The following RNF187 variants were observed in gnomAD, a reference collection of about 807,000 sequenced individuals.
RNF187 encodes ring finger protein 187.
In RNF187, 18 loss-of-function variants were observed where a neutral mutation model predicts 22.2. The observed-to-expected ratio is 0.81, with a 90% CI of 0.56 to 1.20. The LOEUF (loss-of-function observed/expected upper bound fraction) is 1.20, where lower values mean the gene tolerates loss of function less well. Ranked by LOEUF, RNF187 falls within the 50% of genes most tolerant of loss-of-function variation. The pLI is 0.00. For missense variants in RNF187, 329 were observed against 317.6 expected (o/e 1.04, Z -0.27); for synonymous variants, 164 against 140.9 (o/e 1.16, Z -1.16).
In RNF187 at chr1:228,493,343, G is replaced by A; in HGVS notation, c.705+69G>A. On this transcript the variant is annotated intron_variant, in intron 3 of 3. Coordinates refer to ENST00000305943, the MANE Select transcript of RNF187 (RefSeq NM_001010858.3). The surrounding 1 kb of genome is among the most constrained non-coding windows in gnomAD (Gnocchi z 4.7). ...GACGCAGGCAGCAGCGAGCCATTGGGGGACCATTGCCCGAAGTCAAGGCTT... is the reference window on the plus strand; with the variant it reads ...GACGCAGGCAGCAGCGAGCCATTGGAGGACCATTGCCCGAAGTCAAGGCTT... 1.3e-6 allele frequency: 2 copies of A among 1,499,414 alleles called. No homozygotes were observed. The highest frequency in any genetic ancestry group is 1.8e-6 in the Non-Finnish European group (2 of 1,118,660). 92.9% of individuals were successfully genotyped at this position (1,499,414 alleles called of 1,614,324 possible).
Position 228,487,758 on chromosome 1 carries a change from G to A in RNF187, c.270G>A (p.Glu90=). The A allele has an allele frequency of 9.5e-7, 1 of 1,047,186 alleles. No homozygotes were observed. Among genetic ancestry groups the A allele is most frequent in the Non-Finnish European group, 1.1e-6 (1 of 871,590 alleles). 64.9% of individuals were successfully genotyped at this position (1,047,186 alleles called of 1,614,324 possible). A position where few individuals can be genotyped will look rare whatever the true frequency, so the allele number is the denominator to read the frequency against. Residue 90 remains glutamate, a synonymous_variant, in exon 1 of 4, where the codon GAG becomes GAA. Coordinates refer to ENST00000305943, the MANE Select transcript of RNF187 (RefSeq NM_001010858.3). ...CCGCGCGCGACGGCCCGGCCAGCGA[G>A]GCCGCGCTGCAGCTGCTGTGCCGCG...
Position 228,495,875 on chromosome 1 carries a change from C to T in RNF187, c.*1990C>T. On this transcript the variant is annotated 3_prime_UTR_variant, in exon 4 of 4. Coordinates refer to ENST00000305943, the MANE Select transcript of RNF187 (RefSeq NM_001010858.3). ...AATCTACACTCAGCAATTTCAAATA[C>T]AGTCATCCCTCTGTGCCTAAGGGGG... The T allele has an allele frequency of 9.8e-5, 54 of 550,766 alleles. 1 individual carries two copies. In the South Asian group the frequency reaches 3.4e-3, roughly 35 times the overall value. The allele number at this position is 550,766 out of a possible 1,614,324, so 34.1% of individuals were successfully genotyped here. A position where few individuals can be genotyped will look rare whatever the true frequency, so the allele number is the denominator to read the frequency against.
In RNF187 at chr1:228,487,647, C is replaced by G. The variant is rs1260042017; in HGVS notation, c.159C>G (p.Ala53=). Residue 53 remains alanine (A), a synonymous_variant, in exon 1 of 4, where the codon GCC becomes GCG. Coordinates refer to ENST00000305943, the MANE Select transcript of RNF187 (RefSeq NM_001010858.3). ...GGCCCTTCCCGTGCCCCGAGTGCGC[C>G]GACGACTGCTGGCAGCGCGCCGTGG... 9.3e-6 allele frequency: 11 copies of G among 1,176,684 alleles called. No homozygotes were observed. The highest frequency in any genetic ancestry group is 3.6e-5 in the Admixed American group (1 of 27,520). The allele number at this position is 1,176,684 out of a possible 1,614,324, so 72.9% of individuals were successfully genotyped here. A position where few individuals can be genotyped will look rare whatever the true frequency, so the allele number is the denominator to read the frequency against.
chr1:228,493,585 C>G lies in RNF187; in HGVS notation c.706-298C>G. ...CTGAAGGCAGAAGCAGCCAAGAAAC[C>G]CAACCTCAGGGCTTTTCTTCTGCCT... On this transcript the variant is annotated intron_variant, in intron 3 of 3. Transcript: ENST00000305943. The surrounding 1 kb of genome is among the most constrained non-coding windows in gnomAD (Gnocchi z 4.7). Among the ~76,000 whole-genome samples, 1 of 152,236 alleles carries G rather than the reference C, an allele frequency of 6.6e-6. No individual in the cohort carries two copies. The highest frequency in any genetic ancestry group is 1.9e-4 in the East Asian group (1 of 5,194).
At position 228,494,339 on chromosome 1, in the gene RNF187, T is replaced by C; in HGVS notation, c.*454T>C. The C allele has an allele frequency of 2.9e-6, 3 of 1,046,356 alleles. No individual in the cohort carries two copies. In the African/African-American group the frequency reaches 5.0e-5, roughly 17 times the overall value. 64.8% of individuals were successfully genotyped at this position (1,046,356 alleles called of 1,614,324 possible). A position where few individuals can be genotyped will look rare whatever the true frequency, so the allele number is the denominator to read the frequency against. On this transcript the variant is annotated 3_prime_UTR_variant, in exon 4 of 4. Transcript: ENST00000305943. ...CCAGAAAGAAGAATGCGCATGACGC[T>C]CTGTGAAGGCTGGAACTCAGGTCTT...
At position 228,495,106 on chromosome 1, in the gene RNF187, G is replaced by A; in HGVS notation, c.*1221G>A. 2.2e-6 allele frequency: 2 copies of A among 891,088 alleles called. No homozygotes were observed. Among genetic ancestry groups the A allele is most frequent in the Non-Finnish European group, 1.3e-6 (1 of 743,818 alleles). 55.2% of individuals were successfully genotyped at this position (891,088 alleles called of 1,614,324 possible). ...ACTTTGATTGGGACCATTGAGATGG[G>A]TGTGGGACCCTTTCCTTGGGGCCTG... On this transcript the variant is annotated 3_prime_UTR_variant, in exon 4 of 4. Coordinates refer to ENST00000305943, the MANE Select transcript of RNF187 (RefSeq NM_001010858.3).
intron 2 of RNF187, among the ~76,000 whole-genome samples, chr1:228,489,287 C>A: frequency 6.6e-5 from 10 of 152,234 alleles, no homozygotes; most frequent in African/African-American, 2.4e-4. Context: ...CACATTTTAC[C>A]TGTAGGTGAT....
intron 2 of RNF187, among the ~76,000 whole-genome samples, chr1:228,490,493 T>C: frequency 1.3e-5 from 2 of 152,232 alleles, no homozygotes; most frequent in African/African-American, 4.8e-5. Flanking sequence ...TTTTAGCAGG[T>C]TGGAGCTTTC....
chr1:228,487,792 G>A lies in RNF187; in HGVS notation c.304G>A (p.Gly102Ser). 7 of 1,119,588 alleles carry A rather than the reference G, an allele frequency of 6.3e-6. No individual in the cohort carries two copies. The highest frequency in any genetic ancestry group is 7.6e-6 in the Non-Finnish European group (7 of 916,064). The allele number at this position is 1,119,588 out of a possible 1,614,324, so 69.4% of individuals were successfully genotyped here. Reference sequence around the variant, plus strand: ...GCAGCTGCTGTGCCGCGCCGACGCCGGCCCGCTCTGCGCCGCCTGCCGTAT... The same window carrying A: ...GCAGCTGCTGTGCCGCGCCGACGCCAGCCCGCTCTGCGCCGCCTGCCGTAT... The change falls in exon 1 of 4, where the codon GGC (glycine) becomes AGC (serine). Residue 102 changes from glycine to serine, a missense_variant. Gly to Ser is a moderately conservative substitution (Grantham distance 56). Coordinates refer to ENST00000305943, the MANE Select transcript of RNF187 (RefSeq NM_001010858.3).
At chr1:228,488,642 G>A in intron 1 of RNF187, among the ~76,000 whole-genome samples, 1 of 152,258 alleles carries the variant, frequency 6.6e-6, no homozygotes, top group South Asian at 2.1e-4. Context: ...GCTCAGGCAG[G>A]GCAGGGTGTA....
chr1:228,489,205 A>G lies in RNF187; in HGVS notation c.483+153A>G. On this transcript the variant is annotated intron_variant, in intron 2 of 3. Coordinates refer to ENST00000305943, the MANE Select transcript of RNF187 (RefSeq NM_001010858.3). ...TCTGGACTTAAGTGAGCTTCAGGGTATTTTTTTTAGGATGTGTTTGTATTT... is the reference window on the plus strand; with the variant it reads ...TCTGGACTTAAGTGAGCTTCAGGGTGTTTTTTTTAGGATGTGTTTGTATTT... The G allele has an allele frequency of 1.5e-5, 9 of 597,314 alleles. No homozygotes were observed. The East Asian group carries it at 2.6e-4, about 17-fold the overall frequency. 37.0% of individuals were successfully genotyped at this position (597,314 alleles called of 1,614,324 possible). A position where few individuals can be genotyped will look rare whatever the true frequency, so the allele number is the denominator to read the frequency against.
intron 2 of RNF187, among the ~76,000 whole-genome samples, chr1:228,490,680 G>A: frequency 6.6e-6 from 1 of 152,240 alleles, no homozygotes; most frequent in African/African-American, 2.4e-5. Context: ...CACCTGCCCT[G>A]TGTGGCCCAG....
At position 228,487,761 on chromosome 1, in the gene RNF187, C is replaced by A. The variant is rs1425218926; in HGVS notation, c.273C>A (p.Ala91=). Residue 91 remains alanine, a synonymous_variant, in exon 1 of 4, where the codon GCC becomes GCA. Coordinates refer to ENST00000305943, the MANE Select transcript of RNF187 (RefSeq NM_001010858.3). ...CGCGCGACGGCCCGGCCAGCGAGGC[C>A]GCGCTGCAGCTGCTGTGCCGCGCCG... The A allele has an allele frequency of 2.9e-5, 30 of 1,050,596 alleles. No homozygotes were observed. Among genetic ancestry groups the A allele is most frequent in the Non-Finnish European group, 3.4e-5 (30 of 873,780 alleles). The allele number at this position is 1,050,596 out of a possible 1,614,324, so 65.1% of individuals were successfully genotyped here. A position where few individuals can be genotyped will look rare whatever the true frequency, so the allele number is the denominator to read the frequency against.
At chr1:228,492,932 A>G in intron 2 of RNF187, 121 bp from the exon 3 acceptor site, 1 of 1,095,478 alleles carries the variant, frequency 9.1e-7, no homozygotes, top group East Asian at 2.6e-5. Context: ...CTAATAGTCG[A>G]TGTGCCTGAG....
In RNF187 at chr1:228,493,224, TC is replaced by T. The variant is rs1202755902; in HGVS notation, c.656del (p.Ser219TrpfsTer109). On this transcript the variant is annotated frameshift_variant, in exon 3 of 4. Transcript: ENST00000305943. LOFTEE classifies it high-confidence loss of function. This position sits in a 1 kb window ranked among gnomAD's most constrained non-coding sequence, Gnocchi z 4.7. ...GTTCAGGTCACTGCTGCAGGCGGTCTCGGAGCTGGAGAAGAAGCATCGCAAC... is the reference window on the plus strand; with the variant it reads ...GTTCAGGTCACTGCTGCAGGCGGTCTGGAGCTGGAGAAGAAGCATCGCAAC... The T allele has an allele frequency of 1.9e-6, 3 of 1,551,366 alleles. No homozygotes were observed. Among genetic ancestry groups the T allele is most frequent in the Non-Finnish European group, 2.6e-6 (3 of 1,146,974 alleles).
chr1:228,487,713 C>G lies in RNF187; in HGVS notation c.225C>G (p.Leu75=), dbSNP rs1176101047. 2 of 1,046,354 alleles carry G rather than the reference C, an allele frequency of 1.9e-6. No homozygotes were observed. The highest frequency in any genetic ancestry group is 4.4e-5 in the South Asian group (1 of 22,800). 64.8% of individuals were successfully genotyped at this position (1,046,354 alleles called of 1,614,324 possible). A position where few individuals can be genotyped will look rare whatever the true frequency, so the allele number is the denominator to read the frequency against. Reference sequence around the variant, plus strand: ...CGCTCAGCCGCCGCCTTCTGGCGCTCGAGGAGGCGGCCGCGGCGCCCGCGC... The same window carrying G: ...CGCTCAGCCGCCGCCTTCTGGCGCTGGAGGAGGCGGCCGCGGCGCCCGCGC... The change falls in exon 1 of 4, where the codon CTC becomes CTG. Residue 75 remains leucine, a synonymous_variant. Transcript: ENST00000305943.
Position 228,494,854 on chromosome 1 carries a change from T to C in RNF187, c.*969T>C. 1 of 985,460 alleles carries C rather than the reference T, an allele frequency of 1.0e-6. No homozygotes were observed. The highest frequency in any genetic ancestry group is 1.2e-6 in the Non-Finnish European group (1 of 829,982). 61.0% of individuals were successfully genotyped at this position (985,460 alleles called of 1,614,324 possible). Reference sequence around the variant, plus strand: ...TAGCCGGGCTTGTGAGCGGTGCCCATTTCCAGATGAAGCCTTTCAGCCCTT... The same window carrying C: ...TAGCCGGGCTTGTGAGCGGTGCCCACTTCCAGATGAAGCCTTTCAGCCCTT... On this transcript the variant is annotated 3_prime_UTR_variant, in exon 4 of 4. Coordinates refer to ENST00000305943, the MANE Select transcript of RNF187 (RefSeq NM_001010858.3).
At position 228,493,767 on chromosome 1, in the gene RNF187, C is replaced by A; in HGVS notation, c.706-116C>A. ...GTTTGTTGTGCTCAGGACAGTACCTCATGCGCTGTCTCATGTGCGCTCTCT... is the reference window on the plus strand; with the variant it reads ...GTTTGTTGTGCTCAGGACAGTACCTAATGCGCTGTCTCATGTGCGCTCTCT... On this transcript the variant is annotated intron_variant, in intron 3 of 3. Transcript: ENST00000305943. The surrounding 1 kb of genome is among the most constrained non-coding windows in gnomAD (Gnocchi z 4.7). The A allele has an allele frequency of 1.8e-6, 2 of 1,116,374 alleles. No individual in the cohort carries two copies. Among genetic ancestry groups the A allele is most frequent in the Non-Finnish European group, 2.7e-6 (2 of 753,380 alleles). 69.2% of individuals were successfully genotyped at this position (1,116,374 alleles called of 1,614,324 possible).
Position 228,493,965 on chromosome 1 carries a change from T to C in RNF187, c.*80T>C. The stretch of plus-strand genomic sequence containing the variant: ...TCCATGGGAAGTGTCAGCGTGTGGC[T>C]GCCAGGGAAGCGTGGCAGGCGCCTG... On this transcript the variant is annotated 3_prime_UTR_variant, in exon 4 of 4. Coordinates refer to ENST00000305943, the MANE Select transcript of RNF187 (RefSeq NM_001010858.3). The surrounding 1 kb of genome is among the most constrained non-coding windows in gnomAD (Gnocchi z 4.7). 5 of 1,551,698 alleles carry C rather than the reference T, an allele frequency of 3.2e-6. No homozygotes were observed. Among genetic ancestry groups the C allele is most frequent in the Non-Finnish European group, 4.4e-6 (5 of 1,146,958 alleles).
Sources: gnomAD v4.1 joint callset for allele counts (sites outside exome capture counted in the v4.1 genomes callset) on GRCh38, gnomAD v4.1.1 for gene constraint, Gnocchi (gnomAD v3.1) non-coding constraint, MANE v1.5 for transcripts, NCBI Gene and HGNC (gene_info 2026-07-23, HGNC 2026-07-21) for gene names.